Variants in EXT1 observed in about 807,000 individuals in gnomAD.
The protein encoded by EXT1 is exostosin-1.
In EXT1, 20 loss-of-function variants were observed where a neutral mutation model predicts 82.5. That is an observed-to-expected ratio of 0.24 (90% CI 0.17 to 0.35). The LOEUF (loss-of-function observed/expected upper bound fraction) is 0.35, where lower values mean the gene tolerates loss of function less well. Among genes scored for constraint, EXT1 ranks in the 10% least tolerant of loss-of-function variants. The pLI, the probability that EXT1 is intolerant of heterozygous loss-of-function variation, is 1.00. For synonymous variants in EXT1, 348 were observed against 350.8 expected, an observed-to-expected ratio of 0.99 and a Z score of 0.09; for missense variants, 757 against 936.5, an observed-to-expected ratio of 0.81 and a Z score of 2.50.
chr8:118,049,919 C>G (rs546317999), intron 1 of EXT1, among the ~76,000 whole-genome samples: 8 of 152,112 alleles, frequency 5.3e-5, no homozygotes, highest in Non-Finnish European at 1.2e-4. Flanking sequence ...CACCTGTGAA[C>G]CCCTCCAGCA....
intron 1 of EXT1, among the ~76,000 whole-genome samples, chr8:118,080,948 A>T (rs1420486124): frequency 6.6e-6 from 1 of 152,172 alleles, no homozygotes; most frequent in Middle Eastern, 3.2e-3. Flanking sequence ...TAAGACCATT[A>T]ACTCTTTTGG....
intron 1 of EXT1, among the ~76,000 whole-genome samples, chr8:118,027,705 A>G (rs1490412901): frequency 6.6e-6 from 1 of 152,162 alleles, no homozygotes; most frequent in Non-Finnish European, 1.5e-5. Flanking sequence ...TCGACACATT[A>G]TCAATCTCCA....
chr8:117,921,475 G>A (rs1180217256), intron 1 of EXT1, among the ~76,000 whole-genome samples: 3 of 152,222 alleles, frequency 2.0e-5, no homozygotes, highest in Non-Finnish European at 4.4e-5. Flanking sequence ...TAACCTAGAT[G>A]CTTTCTTCTG....
intron 1 of EXT1, among the ~76,000 whole-genome samples, chr8:117,941,027 C>T (rs1044591646): frequency 6.6e-6 from 1 of 152,204 alleles, no homozygotes; most frequent in Non-Finnish European, 1.5e-5. Flanking sequence ...ACTAGACCCA[C>T]ATCCTTCCCC....
In EXT1 at chr8:118,090,035, A is replaced by G. The variant is rs901468099; in HGVS notation, c.962+20050T>C. The stretch of plus-strand genomic sequence containing the variant: ...TGGTAACTGCTAGAGAGAACCTAGG[A>G]AAAAGAGGTGTATAAAATTCCATCC... On this transcript the variant is annotated intron_variant, in intron 1 of 10. Coordinates refer to ENST00000378204, the MANE Select transcript of EXT1 (RefSeq NM_000127.3). Among the ~76,000 whole-genome samples the G allele has an allele frequency of 5.3e-5, 8 of 152,232 alleles. No homozygotes were observed. In the South Asian group the frequency reaches 1.7e-3, roughly 31 times the overall value.
intron 1 of EXT1, among the ~76,000 whole-genome samples, chr8:117,989,105 G>A (rs1419961027): frequency 6.7e-6 from 1 of 150,256 alleles, no homozygotes; most frequent in Non-Finnish European, 1.5e-5. Context: ...CCACAACTCT[G>A]TGAAATATCT....
At position 118,056,895 on chromosome 8, in the gene EXT1, C is replaced by T. The variant is rs11562696; in HGVS notation, c.962+53190G>A. On this transcript the variant is annotated intron_variant, in intron 1 of 10. Coordinates refer to ENST00000378204, the MANE Select transcript of EXT1 (RefSeq NM_000127.3). ...AGCATAGCTTAAGAGCACAGGATGA[C>T]GACTCAGTCAGACTTAGGAGAACAA... Among the ~76,000 whole-genome samples, 456 of 152,234 alleles carry T rather than the reference C, an allele frequency of 3.0e-3. 2 individuals carry two copies. The highest frequency in any genetic ancestry group is 4.4e-3 in the African/African-American group (184 of 41,518).
chr8:117,991,799 T>G (rs1815440566), intron 1 of EXT1, among the ~76,000 whole-genome samples: 1 of 152,186 alleles, frequency 6.6e-6, no homozygotes, highest in Non-Finnish European at 1.5e-5. Context: ...TGACCTCAAG[T>G]GATCCACCCT....
chr8:118,022,814 A>C (rs987407844), intron 1 of EXT1, among the ~76,000 whole-genome samples: 1 of 152,206 alleles, frequency 6.6e-6, no homozygotes, highest in African/African-American at 2.4e-5. Context: ...TCATGACAAA[A>C]AGAAAGTATG....
chr8:118,109,058 T>G (rs900026446), intron 1 of EXT1, among the ~76,000 whole-genome samples: 61 of 152,098 alleles, frequency 4.0e-4, no homozygotes, highest in African/African-American at 1.4e-3. Context: ...CCCCACCTAC[T>G]AGGAAACTGG....
chr8:118,067,212 G>A (rs1191375825), intron 1 of EXT1, among the ~76,000 whole-genome samples: 1 of 152,162 alleles, frequency 6.6e-6, no homozygotes, highest in East Asian at 1.9e-4. Flanking sequence ...TGTCATCTTG[G>A]GGCACTGGTG....
chr8:117,852,303 C>A (rs940819648), intron 1 of EXT1, among the ~76,000 whole-genome samples: 1 of 152,138 alleles, frequency 6.6e-6, no homozygotes, highest in Non-Finnish European at 1.5e-5. Flanking sequence ...CCATGAGAAC[C>A]ACTATGAAAT....
chr8:118,098,758 C>A (rs1307311029), intron 1 of EXT1, among the ~76,000 whole-genome samples: 37 of 128,088 alleles, frequency 2.9e-4, no homozygotes, highest in African/African-American at 3.3e-4. Flanking sequence ...GACTCTGTCT[C>A]AAAAAAAAAA....
At chr8:118,068,819 CAA>C (rs774013807) in intron 1 of EXT1, among the ~76,000 whole-genome samples, 13 of 152,090 alleles carry the variant, frequency 8.5e-5, no homozygotes, top group Non-Finnish European at 1.5e-4. Context: ...ATTCAATAGA[CAA>C]GAGACTTTCC....
chr8:117,988,755 G>A (rs183996557), intron 1 of EXT1, among the ~76,000 whole-genome samples: 10 of 152,232 alleles, frequency 6.6e-5, no homozygotes, highest in Non-Finnish European at 1.2e-4. Flanking sequence ...GGCAATGGAC[G>A]CAACCGCTGC....
At chr8:117,800,619 T>C (rs1292119197) in intron 10 of EXT1, among the ~76,000 whole-genome samples, 2 of 152,340 alleles carry the variant, frequency 1.3e-5, no homozygotes, top group East Asian at 3.9e-4. Flanking sequence ...AATCTCAAAA[T>C]TCTGTTCTTC....
intron 1 of EXT1, among the ~76,000 whole-genome samples, chr8:118,036,674 C>G (rs1374046482): frequency 6.6e-6 from 1 of 152,068 alleles, no homozygotes; most frequent in Non-Finnish European, 1.5e-5. Context: ...AAAAAATGTA[C>G]ACATTTAGTA....
chr8:117,877,844 C>A (rs1168333003), intron 1 of EXT1, among the ~76,000 whole-genome samples: 3 of 151,634 alleles, frequency 2.0e-5, no homozygotes, highest in African/African-American at 7.3e-5. Context: ...TGTTAAACAA[C>A]AAGTTTTAAT....
chr8:117,964,529 G>C (rs1563614820), intron 1 of EXT1, among the ~76,000 whole-genome samples: 1 of 152,176 alleles, frequency 6.6e-6, no homozygotes, highest in African/African-American at 2.4e-5. Flanking sequence ...GGAGTCAAAA[G>C]AGCACCTTAA....
Sources: allele counts gnomAD v4.1 joint callset (sites outside exome capture counted in the v4.1 genomes callset), GRCh38; gene constraint gnomAD v4.1.1; transcripts MANE v1.5; gene names NCBI Gene and HGNC (gene_info 2026-07-23, HGNC 2026-07-21).